DOK6: variants seen among roughly 807,000 people sequenced by gnomAD.
DOK6 encodes the protein docking protein 6, also known as downstream of tyrosine kinase 6.
Under a neutral mutation model 44.0 loss-of-function variants are expected in DOK6, and 22 were observed. That is an observed-to-expected ratio of 0.50 (90% confidence interval 0.36 to 0.71). The LOEUF (loss-of-function observed/expected upper bound fraction) is 0.71. Ranked by LOEUF, DOK6 falls within the 30% of genes least tolerant of loss-of-function variation. The pLI is 0.00. For missense variants in DOK6, 340 were observed against 416.4 expected, an observed-to-expected ratio of 0.82 and a Z score of 1.60; for synonymous variants, 166 against 145.5, an observed-to-expected ratio of 1.14 and a Z score of -1.01.
At chr18:69,801,357 T>A (rs1029049744) in intron 7 of DOK6, among the ~76,000 whole-genome samples, 1 of 152,206 alleles carries the variant, frequency 6.6e-6, no homozygotes, top group African/African-American at 2.4e-5. Flanking sequence ...GCTTCTGCTA[T>A]TAAGTGCCAA....
rs1190278644 is a variant in DOK6 at position 69,535,527 on chromosome 18, T to G, written c.67-28960T>G. Reference sequence around the variant, plus strand: ...AACCCCTAGATTTTTAAAAAAAATTTTCTAGGTTAATGAACTTGCTATGAA... The same window carrying G: ...AACCCCTAGATTTTTAAAAAAAATTGTCTAGGTTAATGAACTTGCTATGAA... On this transcript the variant is annotated intron_variant, in intron 1 of 7. Coordinates refer to ENST00000382713, the MANE Select transcript of DOK6 (RefSeq NM_152721.6). Among the ~76,000 whole-genome samples, 8 of 152,022 alleles carry G rather than the reference T, an allele frequency of 5.3e-5. No homozygotes were observed. In the East Asian group the frequency reaches 1.4e-3, roughly 26 times the overall value.
At chr18:69,486,345 A>C (rs1980577695) in intron 1 of DOK6, among the ~76,000 whole-genome samples, 1 of 152,152 alleles carries the variant, frequency 6.6e-6, no homozygotes, top group Non-Finnish European at 1.5e-5. Flanking sequence ...ACGTTAGGAG[A>C]AACAGTTTTA....
At chr18:69,522,689 T>A (rs1213726117) in intron 1 of DOK6, among the ~76,000 whole-genome samples, 1 of 152,112 alleles carries the variant, frequency 6.6e-6, no homozygotes, top group Non-Finnish European at 1.5e-5. Flanking sequence ...ATTAGTTAAC[T>A]AACTAGGTTT....
chr18:69,655,754 C>T (rs1271402088), intron 3 of DOK6, among the ~76,000 whole-genome samples: 2 of 102,148 alleles, frequency 2.0e-5, no homozygotes, highest in African/African-American at 3.6e-5. Context: ...CTCCTTCCCC[C>T]ACCCCTCAAA....
At chr18:69,659,554 G>A (rs1410442045) in intron 3 of DOK6, among the ~76,000 whole-genome samples, 3 of 152,176 alleles carry the variant, frequency 2.0e-5, no homozygotes, top group Admixed American at 2.0e-4. Context: ...CTGAGATAAA[G>A]TCAAGGGCAC....
intron 7 of DOK6, among the ~76,000 whole-genome samples, chr18:69,797,720 T>C (rs187603005): frequency 1.3e-5 from 2 of 152,248 alleles, no homozygotes; most frequent in African/African-American, 2.4e-5. Flanking sequence ...TAACATTGCA[T>C]AGAGCTCTTA....
chr18:69,624,843 G>A (rs1203265042), intron 3 of DOK6, among the ~76,000 whole-genome samples: 7 of 151,770 alleles, frequency 4.6e-5, no homozygotes, highest in East Asian at 3.9e-4. Flanking sequence ...TTTACTTTAC[G>A]CTGCAGGAGT....
At chr18:69,714,071 A>T (rs2144717842) in intron 5 of DOK6, among the ~76,000 whole-genome samples, 1 of 152,208 alleles carries the variant, frequency 6.6e-6, no homozygotes, top group Non-Finnish European at 1.5e-5. Context: ...CTCCTTGTAA[A>T]CGTGCTGGTG....
chr18:69,485,530 A>C (rs17081049), intron 1 of DOK6, among the ~76,000 whole-genome samples: 36,040 of 151,946 alleles, frequency 0.24, 4,595 homozygotes, highest in East Asian at 0.53. Flanking sequence ...CTAATTGTTC[A>C]CTGATCCCAA....
chr18:69,841,476 T>C lies in DOK6; in HGVS notation c.*93T>C. 2.6e-6 allele frequency: 4 copies of C among 1,539,352 alleles called. No individual in the cohort carries two copies. Among genetic ancestry groups the C allele is most frequent in the Non-Finnish European group, 3.5e-6 (4 of 1,139,248 alleles). On this transcript the variant is annotated 3_prime_UTR_variant, in exon 8 of 8. Transcript: ENST00000382713. The stretch of plus-strand genomic sequence containing the variant: ...CTGCCTCCTGGAAGACCAATTGCAG[T>C]ACAAATTGAAATGGGTCGGCTCTAG...
intron 1 of DOK6, among the ~76,000 whole-genome samples, chr18:69,521,340 G>A (rs1981678967): frequency 6.6e-6 from 1 of 151,046 alleles, no homozygotes. Context: ...AAGTTGAGGA[G>A]AATAAAGAAC....
chr18:69,646,039 T>C (rs939042499), intron 3 of DOK6, among the ~76,000 whole-genome samples: 1 of 152,176 alleles, frequency 6.6e-6, no homozygotes, highest in African/African-American at 2.4e-5. Flanking sequence ...TTTGTTCTAG[T>C]ATTTATTATA....
intron 1 of DOK6, among the ~76,000 whole-genome samples, chr18:69,468,500 C>T (rs1419800902): frequency 1.3e-5 from 2 of 152,196 alleles, no homozygotes; most frequent in African/African-American, 2.4e-5. Flanking sequence ...ACCAGGTCCT[C>T]TGTGAGGTAA....
intron 3 of DOK6, among the ~76,000 whole-genome samples, chr18:69,647,035 GTCTA>G (rs1483089725): frequency 1.5e-5 from 2 of 135,534 alleles, no homozygotes; most frequent in Non-Finnish European, 3.2e-5. Flanking sequence ...CTATCCATCT[GTCTA>G]TCCTGTCTAT....
intron 5 of DOK6, among the ~76,000 whole-genome samples, chr18:69,707,546 G>A (rs1415188206): frequency 6.6e-6 from 1 of 151,250 alleles, no homozygotes; most frequent in East Asian, 1.9e-4. Context: ...ACCACTATTA[G>A]GATCAAGTAT....
intron 1 of DOK6, among the ~76,000 whole-genome samples, chr18:69,411,537 T>G (rs1978305956): frequency 6.6e-6 from 1 of 152,176 alleles, no homozygotes; most frequent in South Asian, 2.1e-4. Flanking sequence ...CCTACTATTG[T>G]TTGCATTGAG....
At chr18:69,560,835 A>G (rs1191350138) in intron 1 of DOK6, among the ~76,000 whole-genome samples, 2 of 152,122 alleles carry the variant, frequency 1.3e-5, no homozygotes, top group South Asian at 2.1e-4. Flanking sequence ...GCCTTGCCCA[A>G]AGTTATGTGG....
At chr18:69,719,236 G>C (rs1446512164) in intron 5 of DOK6, among the ~76,000 whole-genome samples, 3 of 152,308 alleles carry the variant, frequency 2.0e-5, no homozygotes, top group East Asian at 1.9e-4. Flanking sequence ...CTAGGGAATA[G>C]GTGCTGCTGA....
intron 1 of DOK6, among the ~76,000 whole-genome samples, chr18:69,418,945 G>C (rs949040971): frequency 1.3e-5 from 2 of 151,990 alleles, no homozygotes; most frequent in Non-Finnish European, 1.5e-5. Context: ...TCATTTTATG[G>C]TTCTCTCTTT....
Sources: gnomAD v4.1 joint callset for allele counts (sites outside exome capture counted in the v4.1 genomes callset) on GRCh38, gnomAD v4.1.1 for gene constraint, MANE v1.5 for transcripts, NCBI Gene and HGNC (gene_info 2026-07-23, HGNC 2026-07-21) for gene names.